LCTL: variants seen among roughly 807,000 people sequenced by gnomAD.
The protein encoded by LCTL is lactase like, also known as lactase-like protein.
A neutral mutation model predicts 75.8 loss-of-function variants in LCTL; 76 were observed. The observed-to-expected ratio is 1.00, with a 90% CI of 0.83 to 1.21. LCTL has a LOEUF of 1.21. Among genes scored for constraint, LCTL ranks in the 50% most tolerant of loss-of-function variants. The pLI is 0.00. For missense variants in LCTL, 670 were observed against 712.4 expected (o/e 0.94, Z 0.68); for synonymous variants, 271 against 268.8 (o/e 1.01, Z -0.08).
intron 8 of LCTL, 40 bp downstream of exon 9, chr15:66,557,682 T>G (rs1287734372): frequency 6.3e-7 from 1 of 1,593,132 alleles, no homozygotes; most frequent in Non-Finnish European, 8.6e-7. Flanking sequence ...GCTCAATAAC[T>G]TGCCCTAGTA....
At chr15:66,559,065 G>A (rs769286843) in intron 6 of LCTL, among the ~76,000 whole-genome samples, 18 of 150,228 alleles carry the variant, frequency 1.2e-4, no homozygotes, top group African/African-American at 4.2e-4. Context: ...GGTCTTGCTT[G>A]TTGTCTAGGC....
chr15:66,554,911 A>G (rs8034298), intron 8 of LCTL, among the ~76,000 whole-genome samples: 2 of 152,138 alleles, frequency 1.3e-5, no homozygotes, highest in African/African-American at 2.4e-5. Context: ...CTGGGGAGGG[A>G]GAGAGAGAGG....
At chr15:66,562,451 A>G (rs1321335759) in intron 4 of LCTL, among the ~76,000 whole-genome samples, 1 of 151,922 alleles carries the variant, frequency 6.6e-6, no homozygotes, top group African/African-American at 2.4e-5. Context: ...AATCACAGTG[A>G]CATAGTGACG....
rs142129344 is a variant in LCTL at position 66,565,274 on chromosome 15, G to C, written c.92C>G (p.Ser31Cys). Residue 31 changes from serine to cysteine, a missense_variant, in exon 1 of 13, where the codon TCC (serine) becomes TGC (cysteine). Coordinates refer to ENST00000341509, the Ensembl canonical transcript of LCTL. ...AAGAGGGAAGGTTCCATAGTAGAAG[G>C]AGGCCTCTTCTGGGGACCCCTTCCG... 149 of 1,613,088 alleles carry C rather than the reference G, an allele frequency of 9.2e-5. No homozygotes were observed. The African/African-American group carries it at 1.7e-3, about 19-fold the overall frequency.
At chr15:66,551,776 T>G (rs200542969) in exon 11 of LCTL, 1 of 1,613,820 alleles carries the variant, frequency 6.2e-7, no homozygotes, top group Admixed American at 1.7e-5. Flanking sequence ...AGAATCCATA[T>G]CTATCTGAGT....
intron 4 of LCTL, among the ~76,000 whole-genome samples, chr15:66,561,986 C>T (rs1040488665): frequency 2.0e-5 from 3 of 152,082 alleles, no homozygotes; most frequent in South Asian, 2.1e-4. Context: ...CTAACTGAAC[C>T]GAACTGCTTG....
rs116086115 is a variant in LCTL at position 66,551,543 on chromosome 15, G to A, written c.1524+119C>T. On this transcript the variant is annotated intron_variant, in intron 11 of 12. Transcript: ENST00000341509. ...TAAAGGTGAAATAAAGGGCCATGCC[G>A]CATGCCCCGTCCTCTTTCATGGAGG... 7.5e-4 allele frequency: 572 copies of A among 758,796 alleles called. 4 individuals are homozygous for A. In the African/African-American group the frequency reaches 9.4e-3, roughly 12 times the overall value. 47.0% of individuals were successfully genotyped at this position (758,796 alleles called of 1,614,324 possible).
rs540971723 is a variant in LCTL, at chr15:66,562,263, C to T, written c.481-948G>A. Among the ~76,000 whole-genome samples, 7 of 152,044 alleles carry T rather than the reference C, an allele frequency of 4.6e-5. No homozygotes were observed. The East Asian group carries it at 5.9e-4, about 13-fold the overall frequency. ...ACTAAAAATACAAAAATTAGCCGGG[C>T]GTGGTGGCACATGCCTGTAATCCCA... is the stretch of plus-strand genomic sequence containing the variant. On this transcript the variant is annotated intron_variant, in intron 4 of 12. Coordinates refer to ENST00000341509, the Ensembl canonical transcript of LCTL.
intron 4 of LCTL, among the ~76,000 whole-genome samples, chr15:66,562,141 G>C (rs369063430): frequency 5.3e-5 from 8 of 152,158 alleles, no homozygotes; most frequent in Admixed American, 5.2e-4. Flanking sequence ...AGTGGCTCAC[G>C]CCTGTAATCC....
chr15:66,549,819 G>A, intron 12 of LCTL: 1 of 379,850 alleles, frequency 2.6e-6, no homozygotes, highest in Non-Finnish European at 4.7e-6. Context: ...AATAAAACTT[G>A]AATGGATAAA....
At chr15:66,558,024 C>G in exon 7 of LCTL, 1 of 1,605,166 alleles carries the variant, frequency 6.2e-7, no homozygotes, top group Non-Finnish European at 8.5e-7. Flanking sequence ...GAATGCCAGG[C>G]TTTGGCGTGG....
At chr15:66,558,800 A>G (rs971908268) in intron 6 of LCTL, among the ~76,000 whole-genome samples, 2 of 149,428 alleles carry the variant, frequency 1.3e-5, no homozygotes, top group African/African-American at 4.9e-5. Flanking sequence ...GGTTCAAGCC[A>G]TTCTCCTGCT....
Position 66,553,531 on chromosome 15 carries a change from G to A in LCTL, c.923-273C>T, listed in dbSNP as rs534681140. Among the ~76,000 whole-genome samples, 5 of 152,058 alleles carry A rather than the reference G, an allele frequency of 3.3e-5. No homozygotes were observed. In the East Asian group the frequency reaches 5.8e-4, roughly 18 times the overall value. ...AGCACTTTGGGAGGCTGAGGCGGGC[G>A]GATCACAAGGTCAGGAGATCGAGAC... On this transcript the variant is annotated intron_variant, in intron 8 of 12. Transcript: ENST00000341509.
At chr15:66,559,066 T>C (rs1895818772) in intron 6 of LCTL, among the ~76,000 whole-genome samples, 1 of 151,822 alleles carries the variant, frequency 6.6e-6, no homozygotes, top group African/African-American at 2.4e-5. Context: ...GTCTTGCTTG[T>C]TGTCTAGGCT....
intron 4 of LCTL, 37 bp from the exon 6 acceptor site, chr15:66,561,352 C>T: frequency 5.0e-6 from 8 of 1,613,326 alleles, no homozygotes; most frequent in Non-Finnish European, 6.8e-6. Context: ...CATGAATGAA[C>T]CGCAAAGCGG....
At chr15:66,551,262 G>A (rs564358529) in intron 11 of LCTL, among the ~76,000 whole-genome samples, 3 of 145,582 alleles carry the variant, frequency 2.1e-5, no homozygotes, top group East Asian at 2.0e-4. Flanking sequence ...CAGGAAAATC[G>A]CTGGAACCCA....
chr15:66,551,521 A>T, intron 11 of LCTL, 141 bp downstream of exon 12: 1 of 656,758 alleles, frequency 1.5e-6, no homozygotes, highest in South Asian at 1.9e-5. Flanking sequence ...AAATGAGTAA[A>T]GGTGAAATAA....
At chr15:66,562,218 C>A (rs946176339) in intron 4 of LCTL, among the ~76,000 whole-genome samples, 6 of 152,138 alleles carry the variant, frequency 3.9e-5, no homozygotes, top group Non-Finnish European at 8.8e-5. Context: ...GCCTGGCCAA[C>A]ATGGCGAAAC....
intron 8 of LCTL, 100 bp downstream of exon 9, chr15:66,557,622 C>T: frequency 2.5e-6 from 3 of 1,209,766 alleles, no homozygotes; most frequent in Non-Finnish European, 3.5e-6. Context: ...AGTACCTCAC[C>T]CAGGCCCAGT....
Sources: gnomAD v4.1 joint callset for allele counts (sites outside exome capture counted in the v4.1 genomes callset) on GRCh38, gnomAD v4.1.1 for gene constraint, MANE v1.5 for transcripts, NCBI Gene and HGNC (gene_info 2026-07-23, HGNC 2026-07-21) for gene names.